EBAG9: variants seen among roughly 807,000 people sequenced by gnomAD.
EBAG9 encodes the protein estrogen receptor binding site associated antigen 9.
In EBAG9, 16 loss-of-function variants were observed where a neutral mutation model predicts 30.9. The observed-to-expected ratio is 0.52, with a 90% CI of 0.35 to 0.79. The LOEUF is 0.79. Ranked by LOEUF, EBAG9 falls within the 30% of genes least tolerant of loss-of-function variation. EBAG9 has a pLI of 0.01. For missense variants in EBAG9, 197 were observed against 242.1 expected (o/e 0.81, Z 1.24); for synonymous variants, 93 against 82.8 (o/e 1.12, Z -0.67).
intron 4 of EBAG9, 98 bp downstream of exon 4, chr8:109,554,985 C>CT (rs371168760): frequency 0.047 from 43,936 of 926,934 alleles, no homozygotes; most frequent in Non-Finnish European, 0.051. Context: ...AAGCCTATTT[C>CT]TTTTTTTTTT....
chr8:109,543,896 G>A (rs1157955256), intron 1 of EBAG9, among the ~76,000 whole-genome samples: 1 of 151,948 alleles, frequency 6.6e-6, no homozygotes, highest in African/African-American at 2.4e-5. Context: ...CGGGTGTGGT[G>A]GCATGTGCCA....
chr8:109,552,119 A>G (rs1318818366), intron 2 of EBAG9, among the ~76,000 whole-genome samples: 2 of 152,070 alleles, frequency 1.3e-5, no homozygotes, highest in Non-Finnish European at 1.5e-5. Flanking sequence ...ACACACAACA[A>G]TTTTTGCACT....
At chr8:109,550,970 A>C (rs928527270) in intron 2 of EBAG9, 63 bp downstream of exon 2, 2 of 1,141,096 alleles carry the variant, frequency 1.8e-6, no homozygotes, top group African/African-American at 3.1e-5. Flanking sequence ...ATACCTTCAA[A>C]ACTTCAAATT....
At chr8:109,563,530 G>A in intron 6 of EBAG9, 2 of 1,595,456 alleles carry the variant, frequency 1.3e-6, no homozygotes, top group Non-Finnish European at 1.7e-6. Flanking sequence ...AAAGAGTAAG[G>A]AACAGGTATG....
intron 3 of EBAG9, among the ~76,000 whole-genome samples, chr8:109,554,402 G>T (rs996704954): frequency 2.6e-5 from 4 of 152,152 alleles, no homozygotes; most frequent in African/African-American, 9.7e-5. Context: ...GATCAATCTG[G>T]ATAGGCTTGG....
chr8:109,560,637 T>G (rs1821691330), intron 5 of EBAG9, among the ~76,000 whole-genome samples: 1 of 152,166 alleles, frequency 6.6e-6, no homozygotes, highest in Non-Finnish European at 1.5e-5. Context: ...CTAGGACTGT[T>G]GAACACTGAA....
At chr8:109,543,166 T>TTTTA (rs1821312907) in intron 1 of EBAG9, among the ~76,000 whole-genome samples, 1 of 143,720 alleles carries the variant, frequency 7.0e-6, no homozygotes. Flanking sequence ...TTTTTTTTTT[T>TTTTA]AACAGTCACT....
At chr8:109,556,757 G>T (rs1391778846) in intron 4 of EBAG9, among the ~76,000 whole-genome samples, 178 bp from the exon 5 acceptor site, 1 of 151,994 alleles carries the variant, frequency 6.6e-6, no homozygotes, top group African/African-American at 2.4e-5. Context: ...TTCTTAGTAT[G>T]TAACTGATTT....
At chr8:109,545,885 C>T (rs967934288) in intron 1 of EBAG9, among the ~76,000 whole-genome samples, 65 of 152,112 alleles carry the variant, frequency 4.3e-4, no homozygotes, top group African/African-American at 1.5e-3. Context: ...TACTTAACCC[C>T]GCTGTGCCTT....
At chr8:109,549,797 A>G (rs1821456865) in intron 1 of EBAG9, among the ~76,000 whole-genome samples, 1 of 152,058 alleles carries the variant, frequency 6.6e-6, no homozygotes. Context: ...TGACCCCTTT[A>G]TCACTGTGAA....
chr8:109,562,837 T>G (rs1821736986), intron 6 of EBAG9, among the ~76,000 whole-genome samples: 1 of 152,000 alleles, frequency 6.6e-6, no homozygotes, highest in South Asian at 2.1e-4. Flanking sequence ...AATGCTCCAA[T>G]GAGAATTTCC....
chr8:109,550,639 G>A (rs190129102), intron 1 of EBAG9, 171 bp from the exon 2 acceptor site: 2 of 489,016 alleles, frequency 4.1e-6, no homozygotes, highest in African/African-American at 4.1e-5. Context: ...CCTGGTTTTT[G>A]ACTTGTTAAT....
At position 109,557,010 on chromosome 8, in the gene EBAG9, G is replaced by A. The variant is rs1821613704; in HGVS notation, c.397G>A (p.Ala133Thr). Residue 133 changes from alanine (A) to threonine (T), a missense_variant, in exon 5 of 7, where the codon GCT becomes ACT. By Grantham distance (58) the Ala-to-Thr change is moderately conservative. Coordinates refer to ENST00000337573, the MANE Select transcript of EBAG9 (RefSeq NM_004215.5). The part of the protein sequence containing the change: ...GSTGFSSRLA[A>T]TQDLPFIHQS... ...CACAGGTTTCTCTAGTAGATTAGCA[G>A]CTACACAAGATCTGCCTTTTATTCA... The A allele has an allele frequency of 1.9e-6, 3 of 1,607,160 alleles. No homozygotes were observed. The highest frequency in any genetic ancestry group is 1.3e-5 in the African/African-American group (1 of 74,708).
intron 5 of EBAG9, among the ~76,000 whole-genome samples, chr8:109,557,358 G>T (rs1055053949): frequency 1.3e-5 from 2 of 152,190 alleles, no homozygotes; most frequent in African/African-American, 4.8e-5. Flanking sequence ...TTATTTTAAA[G>T]TGAGTTATGA....
Position 109,564,584 on chromosome 8 carries a change from A to T in EBAG9, c.*25A>T, listed in dbSNP as rs374873383. The T allele has an allele frequency of 1.9e-6, 3 of 1,609,004 alleles. No individual in the cohort carries two copies. Among genetic ancestry groups the T allele is most frequent in the Non-Finnish European group, 2.5e-6 (3 of 1,176,886 alleles). ...ACACATGTTCAAATTTTATCATGCC[A>T]GTAGGAGAAATCTCAGCTCCACAAC... is the stretch of plus-strand genomic sequence containing the variant. On this transcript the variant is annotated 3_prime_UTR_variant, in exon 7 of 7. Transcript: ENST00000337573.
intron 1 of EBAG9, among the ~76,000 whole-genome samples, chr8:109,548,089 T>A (rs1321081093): frequency 6.6e-6 from 1 of 152,086 alleles, no homozygotes; most frequent in Non-Finnish European, 1.5e-5. Context: ...GTTGTGTTGT[T>A]TTTTTTTCTT....
chr8:109,546,812 T>C (rs1821394700), intron 1 of EBAG9, among the ~76,000 whole-genome samples: 1 of 152,190 alleles, frequency 6.6e-6, no homozygotes, highest in Non-Finnish European at 1.5e-5. Flanking sequence ...CTGACTCTTT[T>C]CATTCAGTAT....
Position 109,564,545 on chromosome 8 carries a change from G to A in EBAG9, c.628G>A (p.Val210Met), listed in dbSNP as rs776273358. 5.6e-6 allele frequency: 9 copies of A among 1,611,752 alleles called. No individual in the cohort carries two copies. Among genetic ancestry groups the A allele is most frequent in the Non-Finnish European group, 6.8e-6 (8 of 1,178,410 alleles). Residue 210 changes from valine (V) to methionine (M), a missense_variant, in exon 7 of 7, where the codon GTG (valine) becomes ATG (methionine). Coordinates refer to ENST00000337573, the MANE Select transcript of EBAG9 (RefSeq NM_004215.5). ...LMKKEQNKIG[V>M]KLS is the part of the protein sequence containing the mutation. Reference sequence around the variant, plus strand: ...GAAGAAGGAACAAAACAAAATTGGTGTGAAACTTTCATAACACATGTTCAA... The same window carrying A: ...GAAGAAGGAACAAAACAAAATTGGTATGAAACTTTCATAACACATGTTCAA...
At chr8:109,547,050 G>A (rs931275204) in intron 1 of EBAG9, among the ~76,000 whole-genome samples, 1 of 151,064 alleles carries the variant, frequency 6.6e-6, no homozygotes, top group Non-Finnish European at 1.5e-5. Context: ...TTTTTGAGAC[G>A]GAGTCCTGCT....
Sources: allele counts gnomAD v4.1 joint callset (sites outside exome capture counted in the v4.1 genomes callset), GRCh38; gene constraint gnomAD v4.1.1; transcripts MANE v1.5; gene names NCBI Gene and HGNC (gene_info 2026-07-23, HGNC 2026-07-21).